Variants in NRXN2 observed in about 807,000 individuals in gnomAD.
NRXN2 encodes the protein neurexin-2-beta.
NRXN2 carries 29 observed loss-of-function variants against 128.8 expected under a neutral mutation model. The ratio of observed to expected loss-of-function variants is 0.23; its 90% CI spans 0.17 to 0.31. NRXN2 has a LOEUF of 0.31. NRXN2 is among the 10% of genes least tolerant of loss of function. NRXN2 has a pLI of 1.00. For synonymous variants in NRXN2, 1,098 were observed against 1,075.2 expected (o/e 1.02, Z -0.41); for missense variants, 1,881 against 2,452.6 (o/e 0.77, Z 4.92).
Position 64,648,686 on chromosome 11 carries a change from A to G in NRXN2, c.3283+48T>C. ...CCCCGGTCTGCCTCTGCAGCTGGCCATCCTGTAGCCAGTAGGGCCACACCT... is the reference window on the plus strand; with the variant it reads ...CCCCGGTCTGCCTCTGCAGCTGGCCGTCCTGTAGCCAGTAGGGCCACACCT... On this transcript the variant is annotated intron_variant, in intron 16 of 22. Transcript: ENST00000265459. The surrounding 1 kb of genome is among the most constrained non-coding windows in gnomAD (Gnocchi z 4.1). 2 of 1,607,216 alleles carry G rather than the reference A, an allele frequency of 1.2e-6. No homozygotes were observed. The highest frequency in any genetic ancestry group is 1.7e-6 in the Non-Finnish European group (2 of 1,175,368).
At chr11:64,619,239 G>A (rs1000514807) in intron 22 of NRXN2, among the ~76,000 whole-genome samples, 6 of 151,972 alleles carry the variant, frequency 3.9e-5, no homozygotes, top group African/African-American at 1.2e-4. Flanking sequence ...CAGCCCAAGC[G>A]AGAAACGTGG....
intron 21 of NRXN2, among the ~76,000 whole-genome samples, chr11:64,620,620 C>A (rs1193868077): frequency 6.6e-6 from 1 of 151,420 alleles, no homozygotes; most frequent in African/African-American, 2.4e-5. Context: ...TGAAACAGCA[C>A]ACATGGTGCT....
At chr11:64,664,425 C>A (rs377363381) in intron 9 of NRXN2, among the ~76,000 whole-genome samples, 19 of 151,122 alleles carry the variant, frequency 1.3e-4, no homozygotes, top group African/African-American at 4.4e-4. Flanking sequence ...TTGCAGTGAG[C>A]CGAGATTGCG....
At chr11:64,663,071 C>T (rs2049280969) in intron 9 of NRXN2, among the ~76,000 whole-genome samples, 1 of 151,914 alleles carries the variant, frequency 6.6e-6, no homozygotes, top group Admixed American at 6.6e-5. Context: ...TTCCTCTCTG[C>T]TCAAAACCTC....
At chr11:64,720,056 A>T (rs1207436866) in intron 1 of NRXN2, among the ~76,000 whole-genome samples, 2 of 152,234 alleles carry the variant, frequency 1.3e-5, no homozygotes, top group African/African-American at 4.8e-5. Context: ...CCTCTCAGTG[A>T]GTCCTCATAA....
chr11:64,697,203 C>G (rs1157773773), intron 3 of NRXN2, among the ~76,000 whole-genome samples: 1 of 152,108 alleles, frequency 6.6e-6, no homozygotes, highest in East Asian at 1.9e-4. Context: ...AGGGGCCTGC[C>G]GCAAGTGGCA....
Position 64,651,203 on chromosome 11 carries a change from G to T in NRXN2, c.2918+52C>A. On this transcript the variant is annotated intron_variant, in intron 14 of 22. Coordinates refer to ENST00000265459, the MANE Select transcript of NRXN2 (RefSeq NM_015080.4). This position sits in a 1 kb window ranked among gnomAD's most constrained non-coding sequence, Gnocchi z 5.9. ...AGCCAGGAGAGCTGTATGTGGTTCA[G>T]CAGGGGGAGGGGGCCACCTCCTTGA... The T allele has an allele frequency of 6.2e-7, 1 of 1,610,674 alleles. No individual in the cohort carries two copies.
intron 12 of NRXN2, 105 bp downstream of exon 12, chr11:64,653,591 G>T: frequency 8.7e-7 from 1 of 1,155,706 alleles, no homozygotes; most frequent in Non-Finnish European, 1.3e-6. Context: ...CCCCATTCGA[G>T]CCAGCAATCA....
chr11:64,715,927 AC>A (rs200532325), intron 1 of NRXN2, among the ~76,000 whole-genome samples: 1 of 150,362 alleles, frequency 6.7e-6, no homozygotes, highest in African/African-American at 2.5e-5. Flanking sequence ...TGACGCCCTC[AC>A]CCCCCCACAC....
At chr11:64,658,661 C>T (rs913435696) in intron 11 of NRXN2, among the ~76,000 whole-genome samples, 2 of 152,230 alleles carry the variant, frequency 1.3e-5, no homozygotes, top group Non-Finnish European at 2.9e-5. Flanking sequence ...ATGGGTTCCC[C>T]AAAGGCCACA....
chr11:64,709,259 A>G lies in NRXN2; in HGVS notation c.730+3711T>C, dbSNP rs140582854. Among the ~76,000 whole-genome samples, 487 of 152,008 alleles carry G rather than the reference A, an allele frequency of 3.2e-3. 3 individuals carry two copies. The highest frequency in any genetic ancestry group is 0.011 in the African/African-American group (446 of 41,446). ...TTGGGAACCATTCACAACAGATGAT[A>G]AAGTGATTATAACTCCAAGGAAGCC... On this transcript the variant is annotated intron_variant, in intron 2 of 22. Coordinates refer to ENST00000265459, the MANE Select transcript of NRXN2 (RefSeq NM_015080.4).
chr11:64,713,235 G>A lies in NRXN2; in HGVS notation c.465C>T (p.Ile155=). The A allele has an allele frequency of 2.1e-6, 3 of 1,463,234 alleles. No homozygotes were observed. Among genetic ancestry groups the A allele is most frequent in the South Asian group, 2.6e-5 (2 of 77,188 alleles). The allele number at this position is 1,463,234 out of a possible 1,614,324, so 90.6% of individuals were successfully genotyped here. The change falls in exon 2 of 23, where the codon ATC becomes ATT. Residue 155 remains isoleucine (I), a synonymous_variant. Transcript: ENST00000265459. ...QVASDLFVGG[I]PPDVRLSALT... Reference sequence around the variant, plus strand: ...GCGCCGAGAGGCGCACGTCGGGCGGGATGCCGCCCACGAACAGGTCGCTGG... The same window carrying A: ...GCGCCGAGAGGCGCACGTCGGGCGGAATGCCGCCCACGAACAGGTCGCTGG...
intron 4 of NRXN2, among the ~76,000 whole-genome samples, chr11:64,690,857 GCCT>G (rs2053712222): frequency 1.3e-5 from 2 of 151,982 alleles, no homozygotes; most frequent in Admixed American, 1.3e-4. Context: ...CATTCTCCTT[GCCT>G]CCTCCATGAG....
intron 11 of NRXN2, among the ~76,000 whole-genome samples, chr11:64,658,548 C>G (rs1033201430): frequency 1.3e-5 from 2 of 152,224 alleles, no homozygotes; most frequent in African/African-American, 4.8e-5. Flanking sequence ...CTCCCCACCT[C>G]CAGTCCCCAC....
At chr11:64,673,113 T>C (rs1375698534) in intron 7 of NRXN2, among the ~76,000 whole-genome samples, 4 of 152,242 alleles carry the variant, frequency 2.6e-5, no homozygotes, top group Non-Finnish European at 4.4e-5. Flanking sequence ...GGCAAGGTGC[T>C]TTCTCTGGGC....
intron 17 of NRXN2, among the ~76,000 whole-genome samples, chr11:64,637,937 G>T (rs2666562): frequency 0.062 from 9,450 of 152,208 alleles, 999 homozygotes; most frequent in African/African-American, 0.22. Flanking sequence ...GATCAGAGGC[G>T]GTGCCCAGCG....
At chr11:64,656,318 T>C (rs1235599989) in intron 11 of NRXN2, among the ~76,000 whole-genome samples, 1 of 152,188 alleles carries the variant, frequency 6.6e-6, no homozygotes, top group Non-Finnish European at 1.5e-5. Context: ...ACAATGTGTA[T>C]TTAGCCTGAT....
intron 22 of NRXN2, among the ~76,000 whole-genome samples, chr11:64,612,334 G>A (rs2040796060): frequency 6.6e-6 from 1 of 152,132 alleles, no homozygotes; most frequent in Admixed American, 6.5e-5. Context: ...ATCCTGGAAT[G>A]GGGTGCTCCT....
chr11:64,619,632 T>G (rs1009459231), intron 22 of NRXN2, among the ~76,000 whole-genome samples: 4 of 151,892 alleles, frequency 2.6e-5, no homozygotes, highest in Non-Finnish European at 5.9e-5. Flanking sequence ...GCTCCCCCAC[T>G]AGAATCTGGG....
Sources: gnomAD v4.1 joint callset for allele counts (sites outside exome capture counted in the v4.1 genomes callset) on GRCh38, gnomAD v4.1.1 for gene constraint, Gnocchi (gnomAD v3.1) non-coding constraint, MANE v1.5 for transcripts, NCBI Gene and HGNC (gene_info 2026-07-23, HGNC 2026-07-21) for gene names.